CLASP1: variants seen among roughly 807,000 people sequenced by gnomAD.
The protein encoded by CLASP1 is CLIP-associating protein 1.
In CLASP1, 38 loss-of-function variants were observed where a neutral mutation model predicts 192.3. That is an observed-to-expected ratio of 0.20 (90% CI 0.15 to 0.26). CLASP1 has a LOEUF of 0.26. Among genes scored for constraint, CLASP1 ranks in the 10% least tolerant of loss-of-function variants. The probability of loss-of-function intolerance (pLI) is 1.00; values close to 1 mark genes in which losing one functional copy is unlikely to be tolerated. For missense variants in CLASP1, 1,433 were observed against 1,932.5 expected, an observed-to-expected ratio of 0.74 and a Z score of 4.85; for synonymous variants, 691 against 712.8, an observed-to-expected ratio of 0.97 and a Z score of 0.49.
In CLASP1 at chr2:121,363,135, C is replaced by T. The variant is rs182286427; in HGVS notation, c.4206+37G>A. ...CATGTCCAAACTGCTCCTCATGACC[C>T]GTCTGTTCAGCACCCCTGGCCACAT... On this transcript the variant is annotated intron_variant, in intron 37 of 39. Coordinates refer to ENST00000263710, the Ensembl canonical transcript of CLASP1. 2.2e-5 allele frequency: 36 copies of T among 1,612,162 alleles called. No individual in the cohort carries two copies. In the East Asian group the frequency reaches 2.9e-4, roughly 13 times the overall value.
intron 8 of CLASP1, chr2:121,490,242 A>G (rs1427271574): frequency 2.3e-6 from 1 of 440,214 alleles, no homozygotes; most frequent in Non-Finnish European, 4.5e-6. Context: ...ATAATTATAA[A>G]CACTTTTCAG....
chr2:121,415,669 C>T (rs1041439007), intron 23 of CLASP1, among the ~76,000 whole-genome samples: 2 of 152,138 alleles, frequency 1.3e-5, no homozygotes, highest in African/African-American at 4.8e-5. Flanking sequence ...CCATTCATTA[C>T]TCTGAAAAAT....
chr2:121,379,517 AC>A (rs1350140965), intron 33 of CLASP1, among the ~76,000 whole-genome samples: 2 of 152,232 alleles, frequency 1.3e-5, no homozygotes, highest in African/African-American at 4.8e-5. Flanking sequence ...TGGCCAGTAC[AC>A]TATTTTTTAT....
At chr2:121,628,383 A>G (rs2068781471) in intron 1 of CLASP1, among the ~76,000 whole-genome samples, 1 of 152,168 alleles carries the variant, frequency 6.6e-6, no homozygotes, top group African/African-American at 2.4e-5. Context: ...GTCACTTAAG[A>G]ATGTAATTGA....
At position 121,443,576 on chromosome 2, in the gene CLASP1, C is replaced by T. The variant is rs540674153; in HGVS notation, c.1912+3761G>A. Among the ~76,000 whole-genome samples the T allele has an allele frequency of 2.2e-3, 337 of 152,316 alleles. 1 individual carries two copies. The highest frequency in any genetic ancestry group is 6.6e-3 in the African/African-American group (274 of 41,568). ...GCTTCCCAATCACACCAGCCTCTGC[C>T]GTCTGCTGTCAGACATGACGTCCTC... On this transcript the variant is annotated intron_variant, in intron 19 of 39. Transcript: ENST00000263710.
chr2:121,368,614 G>A (rs1237876085), intron 34 of CLASP1, among the ~76,000 whole-genome samples: 1 of 152,196 alleles, frequency 6.6e-6, no homozygotes, highest in Non-Finnish European at 1.5e-5. Flanking sequence ...AGGTGGCAGT[G>A]TAGCCCAGCA....
At chr2:121,441,362 C>G (rs182871331) in intron 19 of CLASP1, among the ~76,000 whole-genome samples, 1 of 152,282 alleles carries the variant, frequency 6.6e-6, no homozygotes, top group Non-Finnish European at 1.5e-5. Context: ...ACACTGACAT[C>G]TTTTACAGAA....
intron 32 of CLASP1, among the ~76,000 whole-genome samples, chr2:121,386,220 T>C (rs1288305731): frequency 6.6e-6 from 1 of 152,234 alleles, no homozygotes; most frequent in Non-Finnish European, 1.5e-5. Context: ...CAAGGACCCA[T>C]TAAAGGGAAA....
rs113762584 is a variant in CLASP1 at position 121,546,364 on chromosome 2, G to A, written c.196-16039C>T. 9.9e-5 allele frequency among the ~76,000 whole-genome samples: 15 copies of A among 151,360 alleles called. 1 individual carries two copies. The highest frequency in any genetic ancestry group is 3.4e-4 in the African/African-American group (14 of 41,192). ...GGCTGACTAGAAGCATCTAGTGTGC[G>A]CAGCTCTCACGAGAGGAGCGAAGGG... On this transcript the variant is annotated intron_variant, in intron 2 of 39. Transcript: ENST00000263710.
At chr2:121,391,948 C>G (rs2074429199) in intron 30 of CLASP1, among the ~76,000 whole-genome samples, 1 of 152,204 alleles carries the variant, frequency 6.6e-6, no homozygotes, top group Admixed American at 6.5e-5. Context: ...CACAGTTAAG[C>G]TGAGATCCAG....
intron 34 of CLASP1, among the ~76,000 whole-genome samples, chr2:121,374,202 C>T (rs1388844567): frequency 1.3e-5 from 2 of 152,362 alleles, no homozygotes; most frequent in Admixed American, 6.5e-5. Flanking sequence ...CTAAAAGGGG[C>T]CAACGTACAG....
chr2:121,402,622 A>T, intron 26 of CLASP1: 1 of 518,996 alleles, frequency 1.9e-6, no homozygotes, highest in Middle Eastern at 3.2e-4. Context: ...ATGGAAACAA[A>T]TTTCCTTCTT....
intron 8 of CLASP1, among the ~76,000 whole-genome samples, chr2:121,485,703 G>GA (rs1348519183): frequency 6.6e-6 from 1 of 151,586 alleles, no homozygotes; most frequent in Non-Finnish European, 1.5e-5. Context: ...GTCACTGCTG[G>GA]AAAAAAAGAA....
chr2:121,612,362 AG>A (rs1433934827), intron 1 of CLASP1, among the ~76,000 whole-genome samples: 1 of 151,652 alleles, frequency 6.6e-6, no homozygotes, highest in Non-Finnish European at 1.5e-5. Context: ...GAGGAATTAT[AG>A]GAGAAAGAGG....
exon 35 of CLASP1, chr2:121,367,754 A>G: frequency 6.2e-7 from 1 of 1,613,900 alleles, no homozygotes; most frequent in Non-Finnish European, 8.5e-7. Context: ...TGTTATCCAG[A>G]GCTGTCCGGC....
At chr2:121,365,406 C>G in intron 35 of CLASP1, 122 bp from the exon 37 acceptor site, 7 of 919,738 alleles carry the variant, frequency 7.6e-6, no homozygotes, top group Non-Finnish European at 1.2e-5. Flanking sequence ...GCCTCCTTCA[C>G]GGTTCCCCTC....
chr2:121,382,363 C>T, intron 32 of CLASP1, 39 bp from the exon 34 acceptor site: 4 of 1,332,422 alleles, frequency 3.0e-6, no homozygotes, highest in Non-Finnish European at 4.1e-6. Context: ...GAGAGAAATA[C>T]AAAAAGCAAA....
Position 121,540,649 on chromosome 2 carries a change from G to A in CLASP1, c.196-10324C>T, listed in dbSNP as rs888889996. Among the ~76,000 whole-genome samples the A allele has an allele frequency of 1.2e-4, 19 of 152,046 alleles. 1 individual carries two copies. Among genetic ancestry groups the A allele is most frequent in the African/African-American group, 3.9e-4 (16 of 41,470 alleles). On this transcript the variant is annotated intron_variant, in intron 2 of 39. Coordinates refer to ENST00000263710, the Ensembl canonical transcript of CLASP1. ...TAAAAATACAAAAAATTAGCTCGGC[G>A]TAGTGGCATGCGCCTGTCATCCCAG...
At chr2:121,425,292 T>C (rs2080200758) in exon 22 of CLASP1, 2 of 1,612,140 alleles carry the variant, frequency 1.2e-6, no homozygotes, top group Non-Finnish European at 1.7e-6. Context: ...CCTGGGGAAC[T>C]TGACCGGCTG....
Sources: allele counts gnomAD v4.1 joint callset (sites outside exome capture counted in the v4.1 genomes callset), GRCh38; gene constraint gnomAD v4.1.1; transcripts MANE v1.5; gene names NCBI Gene and HGNC (gene_info 2026-07-23, HGNC 2026-07-21).